The following CHRDL1 variants were observed in gnomAD, a reference collection of about 807,000 sequenced individuals.
The protein encoded by CHRDL1 is chordin like 1, also known as chordin-like protein 1.
CHRDL1 carries 19 observed loss-of-function variants against 40.9 expected under a neutral mutation model. The ratio of observed to expected loss-of-function variants is 0.46; its 90% confidence interval spans 0.32 to 0.68. The LOEUF is 0.68. Among genes scored for constraint, CHRDL1 ranks in the 30% least tolerant of loss-of-function variants. The pLI is 0.03. For synonymous variants in CHRDL1, 136 were observed against 123.4 expected (o/e 1.10, Z -0.68); for missense variants, 329 against 352.1 (o/e 0.93, Z 0.53).
chrX:110,691,712 G>A (rs1008346326), intron 8 of CHRDL1, among the ~76,000 whole-genome samples: 1 of 111,644 alleles, frequency 9.0e-6, no homozygotes, highest in Non-Finnish European at 1.9e-5. Flanking sequence ...AATAATGTTA[G>A]CTGCCTTTTC....
chrX:110,732,436 C>T (rs2071182469), intron 4 of CHRDL1, among the ~76,000 whole-genome samples: 1 of 112,036 alleles, frequency 8.9e-6, no homozygotes, highest in Admixed American at 9.4e-5. Context: ...GCTAAACAGA[C>T]AGACACAACA....
intron 4 of CHRDL1, among the ~76,000 whole-genome samples, chrX:110,752,645 C>T (rs1210632529): frequency 9.1e-6 from 1 of 110,269 alleles, no homozygotes; most frequent in African/African-American, 3.3e-5. Flanking sequence ...AACTCTGGAC[C>T]CATATATATA....
intron 7 of CHRDL1, among the ~76,000 whole-genome samples, chrX:110,697,671 C>G (rs1050670731): frequency 1.8e-5 from 2 of 109,565 alleles, no homozygotes; most frequent in Non-Finnish European, 3.8e-5. Flanking sequence ...AACGCTTTCA[C>G]TTTTTTTAAT....
intron 2 of CHRDL1, among the ~76,000 whole-genome samples, chrX:110,774,716 A>G (rs1365348161): frequency 8.9e-6 from 1 of 112,008 alleles, no homozygotes; most frequent in Non-Finnish European, 1.9e-5. Flanking sequence ...TTGTCCCTGG[A>G]TATTTGTACT....
intron 6 of CHRDL1, among the ~76,000 whole-genome samples, chrX:110,705,366 T>C (rs968539022): frequency 6.6e-4 from 5 of 7,629 alleles, no homozygotes; most frequent in Non-Finnish European, 1.0e-3. Flanking sequence ...CACACACACA[T>C]ATATATATAC....
intron 4 of CHRDL1, among the ~76,000 whole-genome samples, chrX:110,750,152 A>G (rs1342531312): frequency 7.2e-5 from 8 of 111,854 alleles, no homozygotes; most frequent in African/African-American, 2.6e-4. Flanking sequence ...TCTTTCTACA[A>G]TCAAAATCTG....
In CHRDL1 at chrX:110,700,712, T is replaced by G. The variant is rs1372176042; in HGVS notation, c.551A>C (p.Glu184Ala). The G allele has an allele frequency of 1.7e-6, 2 of 1,154,626 alleles. No homozygotes were observed. The highest frequency in any genetic ancestry group is 2.4e-6 in the Non-Finnish European group (2 of 843,938). ...ACCATCAGAATGTTCCCATGACAGT[T>G]CTCCATCTCCTGTTTATTAAAAAGA... Reference protein sequence around the residue: ...SCCRVCRGDGELSWEHSDGDI... With the variant: ...SCCRVCRGDGALSWEHSDGDI... The change falls in exon 7 of 12, where the codon GAA (glutamate) becomes GCA (alanine). Residue 184 changes from glutamate to alanine, a missense_variant. By Grantham distance (107) the Glu-to-Ala change is moderately radical. Transcript: ENST00000372042.
At chrX:110,779,615 C>G (rs986943836) in intron 2 of CHRDL1, among the ~76,000 whole-genome samples, 3 of 111,263 alleles carry the variant, frequency 2.7e-5, no homozygotes, top group African/African-American at 9.8e-5. Context: ...AATAGTAAGT[C>G]TTGAAGTTGG....
At chrX:110,791,492 C>T (rs1430264764) in intron 2 of CHRDL1, among the ~76,000 whole-genome samples, 2 of 111,700 alleles carry the variant, frequency 1.8e-5, no homozygotes, top group Admixed American at 1.9e-4. Flanking sequence ...TTACACGGAT[C>T]GCTGACTTTC....
In CHRDL1 at chrX:110,675,243, T is replaced by C. The variant is rs2069749775; in HGVS notation, c.*988A>G. On this transcript the variant is annotated 3_prime_UTR_variant, in exon 12 of 12. Coordinates refer to ENST00000372042, the MANE Select transcript of CHRDL1 (RefSeq NM_001143981.2). The stretch of plus-strand genomic sequence containing the variant: ...TCTCAAAAATATTAGTGAGTACTGA[T>C]CTATTACTTGGTAAATTTTATTGAT... The C allele has an allele frequency of 8.9e-6, 1 of 112,092 alleles. No individual in the cohort carries two copies. Among genetic ancestry groups the C allele is most frequent in the Admixed American group, 9.4e-5 (1 of 10,587 alleles). The allele number at this position is 112,092 out of a possible 1,213,427, so 9.2% of individuals were successfully genotyped here. A position where few individuals can be genotyped will look rare whatever the true frequency, so the allele number is the denominator to read the frequency against.
At chrX:110,755,566 C>G (rs2089438683) in intron 4 of CHRDL1, among the ~76,000 whole-genome samples, 2 of 112,113 alleles carry the variant, frequency 1.8e-5, no homozygotes, top group African/African-American at 6.5e-5. Flanking sequence ...TCCACTGAGT[C>G]TGTTACCACC....
chrX:110,747,533 T>C (rs1425756431), intron 4 of CHRDL1, among the ~76,000 whole-genome samples: 1 of 111,593 alleles, frequency 9.0e-6, no homozygotes, highest in Non-Finnish European at 1.9e-5. Context: ...CTATGCTTGG[T>C]TGTAATCTTG....
intron 8 of CHRDL1, among the ~76,000 whole-genome samples, chrX:110,692,858 A>C (rs1240049789): frequency 8.9e-6 from 1 of 112,370 alleles, no homozygotes; most frequent in Non-Finnish European, 1.9e-5. Flanking sequence ...AGATGTGATC[A>C]ACTAGCTTTG....
At chrX:110,768,715 G>A (rs188159913) in intron 2 of CHRDL1, among the ~76,000 whole-genome samples, 1 of 110,342 alleles carries the variant, frequency 9.1e-6, no homozygotes, top group Non-Finnish European at 1.9e-5. Flanking sequence ...AGGGGCTCTC[G>A]GGCCTTCAGT....
intron 4 of CHRDL1, 36 bp from the exon 5 acceptor site, chrX:110,721,566 G>T (rs1338727271): frequency 8.7e-7 from 1 of 1,147,607 alleles, no homozygotes. Context: ...ACTGAGTATT[G>T]GCATCATTGA....
rs1306371260 is a variant in CHRDL1 at position 110,674,581 on chromosome X, G to C, written c.*1650C>G. The C allele has an allele frequency of 8.9e-6, 1 of 111,758 alleles. No individual in the cohort carries two copies. The highest frequency in any genetic ancestry group is 3.3e-5 in the African/African-American group (1 of 30,708). The allele number at this position is 111,758 out of a possible 1,213,427, so 9.2% of individuals were successfully genotyped here. Reference sequence around the variant, plus strand: ...AGGAGAACGTGTGTGATGTGCTGGTGAGAGTCTTGTCCCAAGAAACCCTGG... The same window carrying C: ...AGGAGAACGTGTGTGATGTGCTGGTCAGAGTCTTGTCCCAAGAAACCCTGG... On this transcript the variant is annotated 3_prime_UTR_variant, in exon 12 of 12. Transcript: ENST00000372042.
chrX:110,759,234 C>T (rs1227098663), intron 4 of CHRDL1, among the ~76,000 whole-genome samples: 1 of 112,100 alleles, frequency 8.9e-6, no homozygotes, highest in African/African-American at 3.2e-5. Flanking sequence ...ACTGGGTCAG[C>T]TCCTTTGATT....
In CHRDL1 at chrX:110,689,083, T is replaced by C. The variant is rs1246673996; in HGVS notation, c.779-280A>G. Among the ~76,000 whole-genome samples the C allele has an allele frequency of 1.9e-3, 154 of 81,542 alleles. 6 individuals are homozygous for C. The highest frequency in any genetic ancestry group is 4.7e-3 in the African/African-American group (103 of 21,797). The allele number at this position is 81,542 out of a possible 115,157, so 70.8% of individuals were successfully genotyped here. On this transcript the variant is annotated intron_variant, in intron 8 of 11. Transcript: ENST00000372042. ...ATAAATATATATATGTATATATATA[T>C]ATATATATATATATATATATATATA...
chrX:110,738,864 T>C (rs773145235), intron 4 of CHRDL1, among the ~76,000 whole-genome samples: 1 of 112,042 alleles, frequency 8.9e-6, no homozygotes, highest in Non-Finnish European at 1.9e-5. Flanking sequence ...AGTTATGTAG[T>C]TCCAATTTTA....
Sources: allele counts gnomAD v4.1 joint callset (sites outside exome capture counted in the v4.1 genomes callset), GRCh38; gene constraint gnomAD v4.1.1; transcripts MANE v1.5; gene names NCBI Gene and HGNC (gene_info 2026-07-23, HGNC 2026-07-21).